The following RAPGEF6 variants were observed in gnomAD, a reference collection of about 807,000 sequenced individuals.
RAPGEF6 encodes the protein Rap guanine nucleotide exchange factor 6.
In RAPGEF6, 56 loss-of-function variants were observed where a neutral mutation model predicts 171.4. That is an observed-to-expected ratio of 0.33 (90% CI 0.26 to 0.41). The LOEUF is 0.41. RAPGEF6 is among the 10% of genes least tolerant of loss of function. The pLI is 1.00. For missense variants in RAPGEF6, 1,674 were observed against 1,921.4 expected (o/e 0.87, Z 2.41); for synonymous variants, 692 against 650.1 (o/e 1.06, Z -0.98).
intron 7 of RAPGEF6, among the ~76,000 whole-genome samples, chr5:131,511,126 C>A (rs949270207): frequency 1.3e-5 from 2 of 152,068 alleles, no homozygotes; most frequent in Non-Finnish European, 2.9e-5. Context: ...CTTATACTTA[C>A]AACTACAATT....
Position 131,431,018 on chromosome 5 carries a change from A to G in RAPGEF6, c.4306T>C (p.Ser1436Pro), listed in dbSNP as rs1751667606. The G allele has an allele frequency of 1.2e-5, 20 of 1,614,190 alleles. No individual in the cohort carries two copies. The highest frequency in any genetic ancestry group is 1.6e-5 in the Non-Finnish European group (19 of 1,180,020). Residue 1436 changes from serine to proline, a missense_variant, in exon 26 of 28, where the codon TCC becomes CCC. Transcript: ENST00000509018. Reference protein sequence around the residue: ...GSLERKSWTSSSSLSDTYEPN... With the variant: ...GSLERKSWTSPSSLSDTYEPN... Reference sequence around the variant, plus strand: ...TCATACGTGTCAGACAGAGAACTGGAGGAGGTCCAACTCTTTCTCTCTAGG... The same window carrying G: ...TCATACGTGTCAGACAGAGAACTGGGGGAGGTCCAACTCTTTCTCTCTAGG...
At chr5:131,580,180 G>A (rs553252894) in intron 4 of RAPGEF6, among the ~76,000 whole-genome samples, 1 of 152,344 alleles carries the variant, frequency 6.6e-6, no homozygotes, top group African/African-American at 2.4e-5. Flanking sequence ...TCTGCCCCAT[G>A]GAGAGGCAGC....
intron 14 of RAPGEF6, among the ~76,000 whole-genome samples, chr5:131,491,574 T>C (rs1338992756): frequency 1.3e-5 from 2 of 152,170 alleles, no homozygotes; most frequent in African/African-American, 4.8e-5. Flanking sequence ...TGTTAGGAAC[T>C]GGGCCACACA....
chr5:131,585,290 A>AT, intron 4 of RAPGEF6, among the ~76,000 whole-genome samples: 1 of 38,276 alleles, frequency 2.6e-5, no homozygotes, highest in South Asian at 7.9e-4. Flanking sequence ...AAAAAAAACT[A>AT]TACATACATA....
chr5:131,469,432 C>T (rs1754597538), intron 17 of RAPGEF6, among the ~76,000 whole-genome samples: 1 of 151,880 alleles, frequency 6.6e-6, no homozygotes, highest in Non-Finnish European at 1.5e-5. Context: ...AGGGTTTGGG[C>T]TATTAAGTGA....
intron 1 of RAPGEF6, among the ~76,000 whole-genome samples, chr5:131,610,076 G>A (rs754939620): frequency 2.2e-4 from 34 of 152,168 alleles, no homozygotes; most frequent in Admixed American, 2.0e-4. Context: ...GTGAAATAAT[G>A]GAATGACACC....
intron 21 of RAPGEF6, among the ~76,000 whole-genome samples, chr5:131,449,370 A>T (rs1185286104): frequency 6.6e-6 from 1 of 152,222 alleles, no homozygotes; most frequent in Non-Finnish European, 1.5e-5. Context: ...TGCTACAAGT[A>T]AGTGGCATTA....
chr5:131,527,971 C>T (rs566648060), intron 6 of RAPGEF6, among the ~76,000 whole-genome samples: 25 of 147,796 alleles, frequency 1.7e-4, no homozygotes, highest in East Asian at 3.9e-4. Context: ...GCCGAAACTG[C>T]GCCACTGCAC....
chr5:131,482,343 C>T (rs1488187278), intron 15 of RAPGEF6, among the ~76,000 whole-genome samples: 2 of 152,244 alleles, frequency 1.3e-5, no homozygotes, highest in African/African-American at 2.4e-5. Flanking sequence ...AGGGTCAGGT[C>T]TCACTCTGTC....
chr5:131,602,018 G>A (rs191696174), intron 3 of RAPGEF6, among the ~76,000 whole-genome samples: 4 of 140,396 alleles, frequency 2.8e-5, no homozygotes, highest in Non-Finnish European at 6.1e-5. Context: ...CTGGGCGACA[G>A]AGCGAGACTC....
intron 22 of RAPGEF6, among the ~76,000 whole-genome samples, chr5:131,444,724 G>A (rs2149815416): frequency 6.6e-6 from 1 of 152,282 alleles, no homozygotes; most frequent in South Asian, 2.1e-4. Flanking sequence ...ACAAGTCTGG[G>A]GTGGGTGTAA....
At chr5:131,451,631 AT>A (rs1185610653) in intron 21 of RAPGEF6, among the ~76,000 whole-genome samples, 5 of 152,036 alleles carry the variant, frequency 3.3e-5, no homozygotes, top group Admixed American at 6.5e-5. Context: ...AAGAAAACAA[AT>A]AAAAAAAAAC....
In RAPGEF6 at chr5:131,431,331, T is replaced by C. The variant is rs952368220; in HGVS notation, c.3993A>G (p.Pro1331=). The change falls in exon 26 of 28, where the codon CCA becomes CCG. Residue 1331 remains proline (P), a synonymous_variant. Coordinates refer to ENST00000509018, the MANE Select transcript of RAPGEF6 (RefSeq NM_016340.6). ...QHGPGWTLLK[P]SLIKCLAVSS... is the part of the protein sequence containing the mutation. Reference sequence around the variant, plus strand: ...AGACAGCTAAACACTTGATTAGAGATGGCTTCAAGAGTGTCCACCTAAAAT... The same window carrying C: ...AGACAGCTAAACACTTGATTAGAGACGGCTTCAAGAGTGTCCACCTAAAAT... The C allele has an allele frequency of 5.0e-6, 8 of 1,606,442 alleles. No individual in the cohort carries two copies. In the East Asian group the frequency reaches 1.6e-4, roughly 31 times the overall value.
chr5:131,434,969 T>C (rs925302266), intron 24 of RAPGEF6, among the ~76,000 whole-genome samples: 4 of 152,308 alleles, frequency 2.6e-5, no homozygotes, highest in South Asian at 2.1e-4. Flanking sequence ...TTTGGACCAA[T>C]ACCTAGAAAT....
intron 27 of RAPGEF6, among the ~76,000 whole-genome samples, chr5:131,427,638 T>C (rs756711027): frequency 1.1e-4 from 16 of 152,212 alleles, no homozygotes; most frequent in Admixed American, 2.0e-4. Context: ...TTCAGATAAT[T>C]TGGCATTTGA....
intron 4 of RAPGEF6, among the ~76,000 whole-genome samples, chr5:131,578,723 G>A (rs912219170): frequency 6.6e-6 from 1 of 152,146 alleles, no homozygotes; most frequent in African/African-American, 2.4e-5. Flanking sequence ...ACCCAGTCAC[G>A]CACATTAACA....
At chr5:131,499,106 C>G (rs1756837622) in intron 11 of RAPGEF6, among the ~76,000 whole-genome samples, 1 of 152,294 alleles carries the variant, frequency 6.6e-6, no homozygotes, top group East Asian at 1.9e-4. Flanking sequence ...AAGAACACAC[C>G]AGTTCAAGAG....
intron 4 of RAPGEF6, among the ~76,000 whole-genome samples, chr5:131,581,512 T>G (rs1388671401): frequency 6.6e-6 from 1 of 152,034 alleles, no homozygotes; most frequent in African/African-American, 2.4e-5. Flanking sequence ...AACTCTACAA[T>G]ATCACCCCTT....
chr5:131,449,974 T>G, intron 21 of RAPGEF6: 1 of 1,499,706 alleles, frequency 6.7e-7, no homozygotes, highest in Non-Finnish European at 9.0e-7. Flanking sequence ...GCAATATATG[T>G]TAAGAGTCGC....
Sources: allele counts gnomAD v4.1 joint callset (sites outside exome capture counted in the v4.1 genomes callset), GRCh38; gene constraint gnomAD v4.1.1; transcripts MANE v1.5; gene names NCBI Gene and HGNC (gene_info 2026-07-23, HGNC 2026-07-21).